Variants in KNTC1 observed in about 807,000 individuals in gnomAD.
KNTC1 encodes kinetochore-associated protein 1.
KNTC1 carries 253 observed loss-of-function variants against 314.4 expected under a neutral mutation model. The ratio of observed to expected loss-of-function variants is 0.80; its 90% CI spans 0.73 to 0.89. The LOEUF is 0.89. KNTC1 is among the 40% of genes least tolerant of loss of function. The pLI is 0.00. For synonymous variants in KNTC1, 901 were observed against 901.4 expected, an observed-to-expected ratio of 1.00 and a Z score of 0.01; for missense variants, 2,475 against 2,572.9, an observed-to-expected ratio of 0.96 and a Z score of 0.82.
At position 122,527,352 on chromosome 12, in the gene KNTC1, G is replaced by A. The variant is rs749345476; in HGVS notation, c.-74+1G>A. 10 of 168,686 alleles carry A rather than the reference G, an allele frequency of 5.9e-5. No homozygotes were observed. The highest frequency in any genetic ancestry group is 6.5e-5 in the Non-Finnish European group (5 of 77,360). 10.4% of individuals were successfully genotyped at this position (168,686 alleles called of 1,614,324 possible). A position where few individuals can be genotyped will look rare whatever the true frequency, so the allele number is the denominator to read the frequency against. ...TCCTCTTTAGTTTCTTCAATTGCAG[G>A]TGAGGACGGGGAGCTGCGCTGTGTA... On this transcript the variant is annotated splice_donor_variant, in intron 1 of 63. Transcript: ENST00000333479. LOFTEE classifies it low-confidence loss of function (5UTR_SPLICE).
chr12:122,530,320 A>G, intron 2 of KNTC1, 128 bp downstream of exon 2: 1 of 775,534 alleles, frequency 1.3e-6, no homozygotes, highest in Non-Finnish European at 2.0e-6. Context: ...ATTCAATCTC[A>G]GATTGCTAGA....
chr12:122,586,803 TTTA>T (rs1301764563), intron 38 of KNTC1, 46 bp downstream of exon 38: 3 of 611,246 alleles, frequency 4.9e-6, no homozygotes, highest in Non-Finnish European at 6.9e-6. Context: ...TATTTATTTA[TTTA>T]TTTATTTATT....
Position 122,543,605 on chromosome 12 carries a change from G to C in KNTC1, c.529G>C (p.Glu177Gln). 1 of 1,560,908 alleles carries C rather than the reference G, an allele frequency of 6.4e-7. No individual in the cohort carries two copies. Among genetic ancestry groups the C allele is most frequent in the Non-Finnish European group, 8.7e-7 (1 of 1,150,336 alleles). The change falls in exon 7 of 64, where the codon GAG becomes CAG. Residue 177 changes from glutamate to glutamine, a missense_variant. Physicochemically the swap from Glu to Gln is conservative, Grantham distance 29. Coordinates refer to ENST00000333479, the MANE Select transcript of KNTC1 (RefSeq NM_014708.6). ...LQLLKIQQAI[E>Q]NVDFSTAKKL... ...TGCTTTCTTTTTTAATGCAGCAATT[G>C]AGAATGTAGACTTCAGTACAGCAAA...
At chr12:122,608,841 T>C (rs1872795852) in intron 51 of KNTC1, among the ~76,000 whole-genome samples, 1 of 152,118 alleles carries the variant, frequency 6.6e-6, no homozygotes, top group Admixed American at 6.5e-5. Context: ...GAGGATTGTT[T>C]GAGGCGAGGG....
intron 52 of KNTC1, among the ~76,000 whole-genome samples, chr12:122,610,618 T>C (rs1873010784): frequency 6.6e-6 from 1 of 152,216 alleles, no homozygotes; most frequent in African/African-American, 2.4e-5. Context: ...TTATTGTGTG[T>C]ATTATCATCT....
intron 6 of KNTC1, 80 bp downstream of exon 6, chr12:122,542,207 T>A: frequency 1.0e-6 from 1 of 972,412 alleles, no homozygotes; most frequent in Non-Finnish European, 1.5e-6. Flanking sequence ...AAATTTTAAG[T>A]ACTCTCTTTA....
Position 122,621,949 on chromosome 12 carries a change from G to A in KNTC1, c.6348G>A (p.Gln2116=), listed in dbSNP as rs1874486680. 6.2e-7 allele frequency: 1 copy of A among 1,607,896 alleles called. No individual in the cohort carries two copies. The highest frequency in any genetic ancestry group is 1.1e-5 in the South Asian group (1 of 89,612). The change falls in exon 61 of 64, where the codon CAG becomes CAA. Residue 2116 remains glutamine (Q), a synonymous_variant. Transcript: ENST00000333479. ...TGGAAGAGCATATGAACACGGGCCA[G>A]CTAGCAGGATTTTCACATCAAGTAA... is the stretch of plus-strand genomic sequence containing the variant. The part of the protein sequence containing the change: ...KQLEEHMNTG[Q]LAGFSHQIRS...
Position 122,588,744 on chromosome 12 carries a change from G to A in KNTC1, c.3927G>A (p.Arg1309=). 1 of 1,555,866 alleles carries A rather than the reference G, an allele frequency of 6.4e-7. No homozygotes were observed. The highest frequency in any genetic ancestry group is 8.7e-7 in the Non-Finnish European group (1 of 1,149,716). Residue 1309 remains arginine (R), a synonymous_variant, in exon 40 of 64, where the codon AGG becomes AGA. Transcript: ENST00000333479. ...LFGETTLVKS[R]HVVMELKEKA... is the part of the protein sequence containing the mutation. ...GAGAGACTACATTAGTTAAATCAAG[G>A]CATGTTGTTATGGAATTGAAAGAAA...
intron 40 of KNTC1, 128 bp downstream of exon 40, chr12:122,588,944 C>T: frequency 2.0e-6 from 1 of 501,472 alleles, no homozygotes; most frequent in Non-Finnish European, 3.5e-6. Flanking sequence ...CTTCAAGAAA[C>T]TGTCTTATAG....
chr12:122,534,177 T>C (rs1299393283), intron 2 of KNTC1, among the ~76,000 whole-genome samples: 1 of 152,214 alleles, frequency 6.6e-6, no homozygotes, highest in Admixed American at 6.5e-5. Context: ...ATCCAGCTTC[T>C]GTTGATGAAT....
chr12:122,622,353 A>G, intron 61 of KNTC1, 109 bp from the exon 62 acceptor site: 1 of 1,049,020 alleles, frequency 9.5e-7, no homozygotes, highest in East Asian at 2.7e-5. Context: ...TCCGATTGTC[A>G]GAAATGTTTT....
intron 41 of KNTC1, 135 bp from the exon 42 acceptor site, chr12:122,591,200 CTG>C (rs1375104951): frequency 1.6e-6 from 1 of 642,268 alleles, no homozygotes; most frequent in African/African-American, 1.8e-5. Flanking sequence ...GAAGTAACGA[CTG>C]TGTACAAAAT....
chr12:122,581,092 C>G (rs1173650103), intron 33 of KNTC1, among the ~76,000 whole-genome samples: 1 of 150,416 alleles, frequency 6.6e-6, no homozygotes, highest in South Asian at 2.1e-4. Flanking sequence ...TTTTCCTTCT[C>G]TCTCTCTCTC....
chr12:122,597,500 G>A, intron 43 of KNTC1: 1 of 452,574 alleles, frequency 2.2e-6, no homozygotes, highest in Non-Finnish European at 4.1e-6. Flanking sequence ...GTTCACCTTG[G>A]CCTCCCAAAG....
chr12:122,538,375 GAA>G lies in KNTC1; in HGVS notation c.289_290del (p.Lys97ValfsTer25), dbSNP rs1341213657. 1 of 1,604,938 alleles carries G rather than the reference GAA, an allele frequency of 6.2e-7. No homozygotes were observed. The highest frequency in any genetic ancestry group is 1.7e-5 in the Admixed American group (1 of 58,958). On this transcript the variant is annotated frameshift_variant, in exon 4 of 64. Transcript: ENST00000333479. LOFTEE classifies it high-confidence loss of function. ...GATGTAGTTGGCCTTTGTCAAGAAG[GAA>G]AGTTTCTTTTGGTTGGCGAGAGAAG... is the stretch of plus-strand genomic sequence containing the variant.
chr12:122,531,490 G>A (rs1055360997), intron 2 of KNTC1, among the ~76,000 whole-genome samples: 2 of 151,862 alleles, frequency 1.3e-5, no homozygotes, highest in African/African-American at 2.4e-5. Flanking sequence ...GAGTCACTGT[G>A]CCTGATTTGT....
Position 122,569,717 on chromosome 12 carries a change from G to T in KNTC1, c.1753G>T (p.Glu585Ter). The change falls in exon 22 of 64, where the codon GAG becomes TAG. Residue 585 changes from glutamate to a stop codon, truncating the protein, a stop_gained. Transcript: ENST00000333479. LOFTEE classifies it high-confidence loss of function. ...FESRFDVKML[E>*]SLLNSMSASV... ...AAGCAGATTTGATGTGAAAATGCTG[G>T]AGAGCTTGCTCAACTCAATGTCTGC... 1 of 1,613,504 alleles carries T rather than the reference G, an allele frequency of 6.2e-7. No homozygotes were observed. The highest frequency in any genetic ancestry group is 8.5e-7 in the Non-Finnish European group (1 of 1,179,662).
Position 122,568,272 on chromosome 12 carries a change from G to A in KNTC1, c.1616G>A (p.Trp539Ter). Residue 539 changes from tryptophan to a stop codon, truncating the protein, a stop_gained, in exon 21 of 64, where the codon TGG becomes TAG. Coordinates refer to ENST00000333479, the MANE Select transcript of KNTC1 (RefSeq NM_014708.6). LOFTEE classifies it high-confidence loss of function. ...CTTTGTCTATTCAGTGGCAGTTCTTGGATTGAATTTCTAAATAATGAAGAT... is the reference window on the plus strand; with the variant it reads ...CTTTGTCTATTCAGTGGCAGTTCTTAGATTGAATTTCTAAATAATGAAGAT... Reference protein sequence around the residue: ...FGPEKFSGSSWIEFLNNEDDL... With the variant: ...FGPEKFSGSS 2 of 1,521,648 alleles carry A rather than the reference G, an allele frequency of 1.3e-6. No individual in the cohort carries two copies. The highest frequency in any genetic ancestry group is 1.8e-6 in the Non-Finnish European group (2 of 1,100,576). 94.3% of individuals were successfully genotyped at this position (1,521,648 alleles called of 1,614,324 possible). A position where few individuals can be genotyped will look rare whatever the true frequency, so the allele number is the denominator to read the frequency against.
chr12:122,622,324 A>G lies in KNTC1; in HGVS notation c.6370-138A>G, dbSNP rs1734039747. ...CCCTCAAAAAGGAGGCGCAGTCACAATGCAGTGCTAATTGGGCTTCCGATT... is the reference window on the plus strand; with the variant it reads ...CCCTCAAAAAGGAGGCGCAGTCACAGTGCAGTGCTAATTGGGCTTCCGATT... On this transcript the variant is annotated intron_variant, in intron 61 of 63. Coordinates refer to ENST00000333479, the MANE Select transcript of KNTC1 (RefSeq NM_014708.6). 7.9e-6 allele frequency: 6 copies of G among 760,262 alleles called. No individual in the cohort carries two copies. The East Asian group carries it at 8.4e-5, about 11-fold the overall frequency. 47.1% of individuals were successfully genotyped at this position (760,262 alleles called of 1,614,324 possible).
Sources: gnomAD v4.1 joint callset for allele counts (sites outside exome capture counted in the v4.1 genomes callset) on GRCh38, gnomAD v4.1.1 for gene constraint, MANE v1.5 for transcripts, NCBI Gene and HGNC (gene_info 2026-07-23, HGNC 2026-07-21) for gene names.